The following ARHGAP19 variants were observed in gnomAD, a reference collection of about 807,000 sequenced individuals.
ARHGAP19 encodes the protein Rho GTPase activating protein 19.
Under a neutral mutation model 60.9 loss-of-function variants are expected in ARHGAP19, and 48 were observed. The ratio of observed to expected loss-of-function variants is 0.79; its 90% CI spans 0.62 to 1.00. The LOEUF (loss-of-function observed/expected upper bound fraction) is 1.00. ARHGAP19 is among the 50% of genes least tolerant of loss of function. The pLI is 0.00. For missense variants in ARHGAP19, 562 were observed against 597.2 expected (o/e 0.94, Z 0.61); for synonymous variants, 209 against 215.5 (o/e 0.97, Z 0.27).
intron 1 of ARHGAP19, among the ~76,000 whole-genome samples, chr10:97,290,813 G>A (rs1843221200): frequency 6.6e-6 from 1 of 152,080 alleles, no homozygotes; most frequent in African/African-American, 2.4e-5. Context: ...TGACATCGAA[G>A]GCAACCCTCC....
At chr10:97,274,103 G>T (rs1345897189) in intron 1 of ARHGAP19, among the ~76,000 whole-genome samples, 1 of 152,140 alleles carries the variant, frequency 6.6e-6, no homozygotes, top group Non-Finnish European at 1.5e-5. Context: ...AAGCAGAAAT[G>T]TATTTACCAT....
At chr10:97,274,139 T>A (rs1842994957) in intron 1 of ARHGAP19, among the ~76,000 whole-genome samples, 1 of 152,132 alleles carries the variant, frequency 6.6e-6, no homozygotes, top group African/African-American at 2.4e-5. Context: ...GGTTACCTTT[T>A]GTGGACAGTG....
chr10:97,239,551 GGTGTGTGT>G (rs201308961), intron 8 of ARHGAP19, among the ~76,000 whole-genome samples: 1,088 of 20,162 alleles, frequency 0.054, 34 homozygotes, highest in East Asian at 0.12. Context: ...AGAGAGAGAG[GGTGTGTGT>G]GTGTGTGTGT....
In ARHGAP19 at chr10:97,225,261, C is replaced by G. The variant is rs1850874142; in HGVS notation, c.*861G>C. On this transcript the variant is annotated 3_prime_UTR_variant, in exon 12 of 12. Transcript: ENST00000358531. ...ATTTGGTTCAGAAGTATTACGTTGG[C>G]ACCAGAGATGTTTTAGTCAAGAGGA... 1 of 152,114 alleles carries G rather than the reference C, an allele frequency of 6.6e-6. No homozygotes were observed. Among genetic ancestry groups the G allele is most frequent in the East Asian group, 1.9e-4 (1 of 5,192 alleles). The allele number at this position is 152,114 out of a possible 1,614,324, so 9.4% of individuals were successfully genotyped here.
intron 5 of ARHGAP19, among the ~76,000 whole-genome samples, chr10:97,257,494 C>T (rs1842771898): frequency 6.6e-6 from 1 of 151,942 alleles, no homozygotes; most frequent in Non-Finnish European, 1.5e-5. Context: ...CTCAAGGTCT[C>T]AAGGTCTCAC....
intron 8 of ARHGAP19, among the ~76,000 whole-genome samples, chr10:97,240,441 G>A (rs749775101): frequency 1.1e-4 from 16 of 152,226 alleles, no homozygotes; most frequent in Admixed American, 2.6e-4. Flanking sequence ...CACCTGAGGC[G>A]AGGAGTTCAA....
Position 97,244,089 on chromosome 10 carries a change from C to T in ARHGAP19, c.1064G>A (p.Arg355Gln), listed in dbSNP as rs373387760. 1.0e-4 allele frequency: 162 copies of T among 1,613,952 alleles called. No homozygotes were observed. The highest frequency in any genetic ancestry group is 9.9e-4 in the South Asian group (90 of 91,060). The part of the protein sequence containing the change: ...FQLAKSQKRN[R>Q]VDSCPHQEET... ...CTCCTGGTGAGGGCAGGAATCTACC[C>T]GGTTCCGTTTCTGAGACTTTGCCAG... Residue 355 changes from arginine to glutamine, a missense_variant, in exon 8 of 12, where the codon CGG (arginine) becomes CAG (glutamine). Physicochemically the swap from Arg to Gln is conservative, Grantham distance 43. Transcript: ENST00000358531.
At chr10:97,261,775 G>C (rs1035695666) in intron 4 of ARHGAP19, among the ~76,000 whole-genome samples, 1 of 152,128 alleles carries the variant, frequency 6.6e-6, no homozygotes, top group Non-Finnish European at 1.5e-5. Flanking sequence ...TCAGGGGCAG[G>C]AAACTAAGCA....
In ARHGAP19 at chr10:97,289,760, G is replaced by A. The variant is rs1843205034; in HGVS notation, c.56+2812C>T. ...TCCCAACTACTCAGGAGGCTGAGGA[G>A]GGAGGACCAGTTGAGCCCAGGAGGT... On this transcript the variant is annotated intron_variant, in intron 1 of 11. Coordinates refer to ENST00000358531, the MANE Select transcript of ARHGAP19 (RefSeq NM_032900.6). Among the ~76,000 whole-genome samples, 3 of 151,676 alleles carry A rather than the reference G, an allele frequency of 2.0e-5. No homozygotes were observed. The South Asian group carries it at 6.2e-4, about 32-fold the overall frequency.
At chr10:97,229,085 T>C (rs1321815765) in intron 11 of ARHGAP19, 62 bp downstream of exon 11, 2 of 1,444,826 alleles carry the variant, frequency 1.4e-6, no homozygotes, top group African/African-American at 2.8e-5. Flanking sequence ...AAACAAATGC[T>C]ACTGACTAGA....
chr10:97,270,115 C>G (rs1842943422), intron 1 of ARHGAP19, among the ~76,000 whole-genome samples: 2 of 151,944 alleles, frequency 1.3e-5, no homozygotes, highest in Non-Finnish European at 2.9e-5. Context: ...AAAAAGATAC[C>G]TTGGATCTCC....
chr10:97,239,551 GGTGTGTGTGTGT>G (rs201308961), intron 8 of ARHGAP19, among the ~76,000 whole-genome samples: 594 of 20,222 alleles, frequency 0.029, 6 homozygotes, highest in Non-Finnish European at 0.14. Flanking sequence ...AGAGAGAGAG[GGTGTGTGTGTGT>G]GTGTGTGTGT....
chr10:97,286,222 A>G (rs1225578621), intron 1 of ARHGAP19, among the ~76,000 whole-genome samples: 2 of 152,262 alleles, frequency 1.3e-5, no homozygotes, highest in South Asian at 2.1e-4. Context: ...TCCTGGGATC[A>G]ATAAAGGTTT....
chr10:97,265,655 T>A (rs546729201), intron 2 of ARHGAP19: 3 of 577,092 alleles, frequency 5.2e-6, no homozygotes, highest in South Asian at 5.2e-5. Context: ...CTGAAAATAT[T>A]TGCTTTAGTT....
chr10:97,257,466 C>T lies in ARHGAP19; in HGVS notation c.841-1062G>A, dbSNP rs75969065. ...CCACGTCCAGCTTATTTTTCTTTTC[C>T]TTTTGTAGAGACAAGGTCTCAAGGT... is the stretch of plus-strand genomic sequence containing the variant. On this transcript the variant is annotated intron_variant, in intron 5 of 11. Coordinates refer to ENST00000358531, the MANE Select transcript of ARHGAP19 (RefSeq NM_032900.6). Among the ~76,000 whole-genome samples the T allele has an allele frequency of 6.6e-4, 100 of 151,716 alleles. 1 individual carries two copies. The East Asian group carries it at 0.019, about 28-fold the overall frequency.
At chr10:97,232,902 C>T (rs1441614203) in intron 9 of ARHGAP19, among the ~76,000 whole-genome samples, 1 of 152,044 alleles carries the variant, frequency 6.6e-6, no homozygotes, top group African/African-American at 2.4e-5. Flanking sequence ...AATCTCAGCA[C>T]TTTGGGAGGC....
intron 2 of ARHGAP19, 96 bp from the exon 3 acceptor site, chr10:97,265,002 G>T: frequency 1.1e-6 from 1 of 949,764 alleles, no homozygotes; most frequent in Non-Finnish European, 1.6e-6. Context: ...TTACAATTCA[G>T]CAAGCATTTT....
At chr10:97,250,958 G>C (rs1422328068) in intron 6 of ARHGAP19, among the ~76,000 whole-genome samples, 1 of 151,448 alleles carries the variant, frequency 6.6e-6, no homozygotes, top group African/African-American at 2.4e-5. Context: ...AGCTGCTTGG[G>C]AATCTGAGGT....
chr10:97,230,924 G>T (rs751864259), intron 9 of ARHGAP19, among the ~76,000 whole-genome samples: 18 of 152,002 alleles, frequency 1.2e-4, no homozygotes, highest in Non-Finnish European at 2.5e-4. Flanking sequence ...GGGCGTGGTG[G>T]TGCATGCCTG....
Sources: gnomAD v4.1 joint callset for allele counts (sites outside exome capture counted in the v4.1 genomes callset) on GRCh38, gnomAD v4.1.1 for gene constraint, MANE v1.5 for transcripts, NCBI Gene and HGNC (gene_info 2026-07-23, HGNC 2026-07-21) for gene names.